Variants in PCDHGB6 observed in about 807,000 individuals in gnomAD.
PCDHGB6 encodes the protein protocadherin gamma-B6.
PCDHGB6 carries 51 observed loss-of-function variants against 59.1 expected under a neutral mutation model. The ratio of observed to expected loss-of-function variants is 0.86; its 90% CI spans 0.69 to 1.09. The LOEUF is 1.09. PCDHGB6 is among the 50% of genes least tolerant of loss of function. PCDHGB6 has a pLI of 0.00. For synonymous variants in PCDHGB6, 466 were observed against 495.1 expected, an observed-to-expected ratio of 0.94 and a Z score of 0.78; for missense variants, 1,148 against 1,205.1, an observed-to-expected ratio of 0.95 and a Z score of 0.70.
chr5:141,476,233 G>A lies in PCDHGB6; in HGVS notation c.2419-18574G>A, dbSNP rs1162067190. ...CGGTCATTCACTATGAGATCCCGGA[G>A]GAAAGAGAGAAGGGTTTCGCTGTGG... On this transcript the variant is annotated intron_variant, in intron 1 of 3. Coordinates refer to ENST00000520790, the MANE Select transcript of PCDHGB6 (RefSeq NM_018926.3). The surrounding 1 kb of genome is among the most constrained non-coding windows in gnomAD (Gnocchi z 7.6). The A allele has an allele frequency of 3.1e-6, 5 of 1,613,996 alleles. No homozygotes were observed. Among genetic ancestry groups the A allele is most frequent in the African/African-American group, 2.7e-5 (2 of 74,894 alleles).
chr5:141,424,100 G>A (rs1362239131), intron 1 of PCDHGB6: 1 of 832,456 alleles, frequency 1.2e-6, no homozygotes, highest in East Asian at 1.2e-4. Flanking sequence ...TGCTATTACT[G>A]CTAATGTTCA....
intron 2 of PCDHGB6, among the ~76,000 whole-genome samples, chr5:141,503,100 G>A (rs563699751): frequency 6.6e-6 from 1 of 151,592 alleles, no homozygotes; most frequent in South Asian, 2.1e-4. Context: ...TGGTCTGCCC[G>A]CCCCTGCCTC....
rs978109236 is a variant in PCDHGB6, at chr5:141,418,889, A to G, written c.2418+8269A>G. 1.9e-6 allele frequency: 3 copies of G among 1,614,020 alleles called. No homozygotes were observed. The African/African-American group carries it at 4.0e-5, about 21-fold the overall frequency. On this transcript the variant is annotated intron_variant, in intron 1 of 3. Coordinates refer to ENST00000520790, the MANE Select transcript of PCDHGB6 (RefSeq NM_018926.3). Reference sequence around the variant, plus strand: ...AGAAGTTGTAGACGAAAACGACAACAGCCCAGAAATAATCATCACGTCACT... The same window carrying G: ...AGAAGTTGTAGACGAAAACGACAACGGCCCAGAAATAATCATCACGTCACT...
Position 141,477,763 on chromosome 5 carries a change from C to G in PCDHGB6, c.2419-17044C>G, listed in dbSNP as rs763322593. The G allele has an allele frequency of 6.2e-7, 1 of 1,614,012 alleles. No homozygotes were observed. Among genetic ancestry groups the G allele is most frequent in the Non-Finnish European group, 8.5e-7 (1 of 1,180,032 alleles). Reference sequence around the variant, plus strand: ...ATGGGGGCACCCCGGTCCTAGCCACCAACATCAGCGTGAACATATTTGTCA... The same window carrying G: ...ATGGGGGCACCCCGGTCCTAGCCACGAACATCAGCGTGAACATATTTGTCA... On this transcript the variant is annotated intron_variant, in intron 1 of 3. Transcript: ENST00000520790. This position sits in a 1 kb window ranked among gnomAD's most constrained non-coding sequence, Gnocchi z 4.9.
At chr5:141,449,261 G>A (rs148515123) in intron 1 of PCDHGB6, among the ~76,000 whole-genome samples, 101 of 152,156 alleles carry the variant, frequency 6.6e-4, no homozygotes, top group Non-Finnish European at 1.3e-3. Flanking sequence ...ATTGTACAAA[G>A]AACTGTATCT....
chr5:141,421,916 G>T (rs754653877), intron 1 of PCDHGB6: 1 of 1,613,528 alleles, frequency 6.2e-7, no homozygotes. Flanking sequence ...GTTCCCATTC[G>T]TGTGGTGGTC....
At chr5:141,464,676 T>A (rs1337677151) in intron 1 of PCDHGB6, among the ~76,000 whole-genome samples, 1 of 152,176 alleles carries the variant, frequency 6.6e-6, no homozygotes. Flanking sequence ...ATAATTTTAA[T>A]TAAAATTTCT....
chr5:141,495,415 C>T (rs1385371906), intron 2 of PCDHGB6, among the ~76,000 whole-genome samples: 1 of 152,194 alleles, frequency 6.6e-6, no homozygotes, highest in Admixed American at 6.5e-5. Context: ...TTCTCCGGCC[C>T]CTCCTCCCAC....
intron 3 of PCDHGB6, 87 bp from the exon 4 acceptor site, chr5:141,510,854 TGTATAG>T: frequency 6.2e-7 from 1 of 1,602,320 alleles, no homozygotes; most frequent in Non-Finnish European, 8.5e-7. Flanking sequence ...CCCAGGGTGC[TGTATAG>T]GCATTCATTA....
intron 2 of PCDHGB6, among the ~76,000 whole-genome samples, chr5:141,501,294 C>CAT (rs200497585): frequency 0.16 from 9,924 of 62,810 alleles, 350 homozygotes; most frequent in Non-Finnish European, 0.25. Flanking sequence ...CCCTTATACA[C>CAT]ACACACACAC....
chr5:141,500,403 G>GT (rs2099800018), intron 2 of PCDHGB6, among the ~76,000 whole-genome samples: 1 of 151,706 alleles, frequency 6.6e-6, no homozygotes, highest in Non-Finnish European at 1.5e-5. Context: ...TAGAGACGGG[G>GT]TTTCACCGTG....
chr5:141,418,244 C>G (rs746986702), intron 1 of PCDHGB6: 1 of 1,613,980 alleles, frequency 6.2e-7, no homozygotes. Flanking sequence ...TGTTAATGAC[C>G]ACGCCCCTCA....
chr5:141,501,130 G>A (rs528942194), intron 2 of PCDHGB6, among the ~76,000 whole-genome samples: 5 of 152,100 alleles, frequency 3.3e-5, no homozygotes, highest in African/African-American at 4.8e-5. Flanking sequence ...GCCTCCCTAA[G>A]TGCTGGGATT....
intron 1 of PCDHGB6, among the ~76,000 whole-genome samples, chr5:141,435,760 T>TTGGTGAATTC (rs2097778609): frequency 1.3e-5 from 2 of 152,172 alleles, no homozygotes; most frequent in African/African-American, 4.8e-5. Context: ...TTGATTTCTT[T>TTGGTGAATTC]TGGTGAATTC....
At chr5:141,439,202 A>AG (rs1348445707) in intron 1 of PCDHGB6, among the ~76,000 whole-genome samples, 2 of 151,954 alleles carry the variant, frequency 1.3e-5, no homozygotes, top group African/African-American at 4.8e-5. Context: ...AAAAAAAAAA[A>AG]AAATCCATAT....
At chr5:141,462,036 G>T (rs760555655) in intron 1 of PCDHGB6, among the ~76,000 whole-genome samples, 6 of 151,978 alleles carry the variant, frequency 3.9e-5, no homozygotes, top group Non-Finnish European at 8.8e-5. Flanking sequence ...TTGGTCAGGC[G>T]GGTCTTGAAC....
rs1357901633 is a variant in PCDHGB6, at chr5:141,476,594, C to G, written c.2419-18213C>G. On this transcript the variant is annotated intron_variant, in intron 1 of 3. Transcript: ENST00000520790. This position sits in a 1 kb window ranked among gnomAD's most constrained non-coding sequence, Gnocchi z 7.6. ...GACGCGCTTTCCGCTCGAGAGCGCG[C>G]ACGATCCCGATGTGGGAAGCAACTC... The G allele has an allele frequency of 3.7e-6, 6 of 1,614,242 alleles. No homozygotes were observed. The highest frequency in any genetic ancestry group is 4.2e-6 in the Non-Finnish European group (5 of 1,180,040).
Position 141,476,115 on chromosome 5 carries a change from A to G in PCDHGB6, c.2419-18692A>G. 1 of 1,592,814 alleles carries G rather than the reference A, an allele frequency of 6.3e-7. No homozygotes were observed. The highest frequency in any genetic ancestry group is 8.5e-7 in the Non-Finnish European group (1 of 1,171,734). On this transcript the variant is annotated intron_variant, in intron 1 of 3. Coordinates refer to ENST00000520790, the MANE Select transcript of PCDHGB6 (RefSeq NM_018926.3). This position sits in a 1 kb window ranked among gnomAD's most constrained non-coding sequence, Gnocchi z 7.6. ...CGCTGAGAGGAACTGCTTTTGAGTG[A>G]GATGGTCCCAGAGGCCTGGAGGAGC...
chr5:141,478,095 C>T, intron 1 of PCDHGB6: 5 of 1,614,100 alleles, frequency 3.1e-6, no homozygotes, highest in Non-Finnish European at 4.2e-6. Context: ...TCCACCACTG[C>T]TACCCTCACT....
Sources: allele counts gnomAD v4.1 joint callset (sites outside exome capture counted in the v4.1 genomes callset), GRCh38; gene constraint gnomAD v4.1.1; non-coding constraint Gnocchi (gnomAD v3.1); transcripts MANE v1.5; gene names NCBI Gene and HGNC (gene_info 2026-07-23, HGNC 2026-07-21).